TRPV2: variants seen among roughly 807,000 people sequenced by gnomAD.
TRPV2 encodes transient receptor potential cation channel subfamily V member 2, also known as OTRPC2.
TRPV2 carries 58 observed loss-of-function variants against 91.0 expected under a neutral mutation model. That is an observed-to-expected ratio of 0.64 (90% CI 0.52 to 0.79). The LOEUF (loss-of-function observed/expected upper bound fraction) is 0.79, where lower values mean the gene tolerates loss of function less well. TRPV2 is among the 30% of genes least tolerant of loss of function. TRPV2 has a pLI of 0.00. For missense variants in TRPV2, 807 were observed against 969.6 expected (o/e 0.83, Z 2.23); for synonymous variants, 417 against 414.8 (o/e 1.01, Z -0.06).
chr17:16,428,883 GC>G lies in TRPV2; in HGVS notation c.1492del (p.Leu498CysfsTer11). ...LCFLAIEWYL[P>X]LLVSALVLGW... is the part of the protein sequence containing the mutation. ...GTTTCCTGGCCATCGAGTGGTACCT[GC>G]CCCTGCTTGTGTCTGCGCTGGTGCT... On this transcript the variant is annotated frameshift_variant, in exon 10 of 15. Transcript: ENST00000338560. LOFTEE classifies it high-confidence loss of function. The G allele has an allele frequency of 6.2e-7, 1 of 1,614,108 alleles. No individual in the cohort carries two copies.
chr17:16,431,283 ATATACATATTTTTTTTTT>A (rs1321354952), intron 10 of TRPV2, among the ~76,000 whole-genome samples: 6 of 51,284 alleles, frequency 1.2e-4, no homozygotes, highest in African/African-American at 4.3e-4. Context: ...ATATATATAT[ATATACATATTTTTTTTTT>A]TTTTTTTTTT....
chr17:16,417,656 T>C lies in TRPV2; in HGVS notation c.-13T>C, dbSNP rs369164734. ...GAGGTCCTGGCTGGACCGAGCAGCC[T>C]CCTCCTCCTAGGATGACCTCACCCT... On this transcript the variant is annotated 5_prime_UTR_variant, in exon 2 of 15. Coordinates refer to ENST00000338560, the MANE Select transcript of TRPV2 (RefSeq NM_016113.5). The C allele has an allele frequency of 9.9e-6, 16 of 1,613,242 alleles. 1 individual carries two copies. The African/African-American group carries it at 1.5e-4, about 15-fold the overall frequency.
Position 16,430,487 on chromosome 17 carries a change from C to CTTTTTTTTT in TRPV2, c.1588-1289_1588-1281dup, listed in dbSNP as rs576176898. On this transcript the variant is annotated intron_variant, in intron 10 of 14. Coordinates refer to ENST00000338560, the MANE Select transcript of TRPV2 (RefSeq NM_016113.5). ...TGTAGCATGTGTCAGAAATGCCTTC[C>CTTTTTTTTT]TTTTTTTTTTTTTTTTGAGATGGAG... Among the ~76,000 whole-genome samples, 2 of 80,480 alleles carry CTTTTTTTTT rather than the reference C, an allele frequency of 2.5e-5. 1 individual carries two copies. Among genetic ancestry groups the CTTTTTTTTT allele is most frequent in the Non-Finnish European group, 7.5e-5 (2 of 26,780 alleles). The allele number at this position is 80,480 out of a possible 152,430, so 52.8% of individuals were successfully genotyped here. A position where few individuals can be genotyped will look rare whatever the true frequency, so the allele number is the denominator to read the frequency against.
intron 3 of TRPV2, among the ~76,000 whole-genome samples, chr17:16,421,029 T>G (rs1465224131): frequency 6.6e-6 from 1 of 152,208 alleles, no homozygotes. Flanking sequence ...CACTTTCCAT[T>G]TCAGTACATG....
intron 2 of TRPV2, 46 bp downstream of exon 2, chr17:16,417,914 C>A: frequency 6.4e-7 from 1 of 1,567,038 alleles, no homozygotes; most frequent in South Asian, 1.1e-5. Flanking sequence ...CCCTGCCCAG[C>A]TCCAGCAGAG....
rs1464467427 is a variant in TRPV2 at position 16,428,573 on chromosome 17, C to T, written c.1421+186C>T. The T allele has an allele frequency of 5.5e-6, 4 of 730,674 alleles. No homozygotes were observed. The East Asian group carries it at 7.7e-5, about 14-fold the overall frequency. The allele number at this position is 730,674 out of a possible 1,614,324, so 45.3% of individuals were successfully genotyped here. A position where few individuals can be genotyped will look rare whatever the true frequency, so the allele number is the denominator to read the frequency against. Reference sequence around the variant, plus strand: ...CCTGGGGCCCCTTGTGCTCCCATCACTGTAGATGGTGATAGTGACATTTAC... The same window carrying T: ...CCTGGGGCCCCTTGTGCTCCCATCATTGTAGATGGTGATAGTGACATTTAC... On this transcript the variant is annotated intron_variant, in intron 9 of 14. Coordinates refer to ENST00000338560, the MANE Select transcript of TRPV2 (RefSeq NM_016113.5).
chr17:16,423,873 C>T (rs2093370181), intron 5 of TRPV2, 106 bp downstream of exon 5: 10 of 1,153,368 alleles, frequency 8.7e-6, no homozygotes, highest in African/African-American at 1.5e-5. Flanking sequence ...AGTGGCTTCT[C>T]TGCTTTTCAA....
chr17:16,428,237 C>A, intron 8 of TRPV2, 80 bp from the exon 9 acceptor site: 1 of 1,368,204 alleles, frequency 7.3e-7, no homozygotes, highest in Non-Finnish European at 1.0e-6. Context: ...GCCTGGGTGG[C>A]AGGCTCCCAC....
At chr17:16,421,009 C>A (rs2093354009) in intron 3 of TRPV2, among the ~76,000 whole-genome samples, 2 of 152,200 alleles carry the variant, frequency 1.3e-5, no homozygotes, top group Non-Finnish European at 2.9e-5. Flanking sequence ...CCACTTAATA[C>A]ATCTTGTAGC....
chr17:16,433,478 G>A, intron 12 of TRPV2, 96 bp from the exon 13 acceptor site: 12 of 1,526,068 alleles, frequency 7.9e-6, no homozygotes, highest in Non-Finnish European at 1.1e-5. Context: ...ATACTGTGAA[G>A]TGCTGCGCGG....
chr17:16,433,879 G>A (rs895806911), intron 13 of TRPV2, among the ~76,000 whole-genome samples, 181 bp downstream of exon 13: 1 of 152,262 alleles, frequency 6.6e-6, no homozygotes, highest in Admixed American at 6.5e-5. Context: ...AGCCATGGCT[G>A]CCACATGACT....
intron 8 of TRPV2, 23 bp downstream of exon 8, chr17:16,427,570 T>C (rs778278285): frequency 6.3e-7 from 1 of 1,596,956 alleles, no homozygotes; most frequent in Non-Finnish European, 8.6e-7. Flanking sequence ...CCCCTTCTCC[T>C]ACCAAGAAGC....
chr17:16,420,207 T>C lies in TRPV2; in HGVS notation c.293T>C (p.Leu98Pro). ...PEDLAGLPEYLSKTSKYLTDS... is the reference protein window; with the variant it reads ...PEDLAGLPEYPSKTSKYLTDS... ...GATCTGGCTGGACTTCCAGAGTACC[T>C]GAGCAAGACCAGCAAGTACCTCACC... The change falls in exon 3 of 15, where the codon CTG becomes CCG. Residue 98 changes from leucine to proline, a missense_variant. Coordinates refer to ENST00000338560, the MANE Select transcript of TRPV2 (RefSeq NM_016113.5). The C allele has an allele frequency of 1.9e-6, 3 of 1,614,114 alleles. No homozygotes were observed. The highest frequency in any genetic ancestry group is 2.5e-6 in the Non-Finnish European group (3 of 1,179,964).
At chr17:16,431,292 T>TATATATATATA (rs1491493192) in intron 10 of TRPV2, among the ~76,000 whole-genome samples, 26 of 16,270 alleles carry the variant, frequency 1.6e-3, no homozygotes, top group African/African-American at 4.4e-3. Context: ...TATATACATA[T>TATATATATATA]TTTTTTTTTT....
chr17:16,425,982 T>A, intron 5 of TRPV2, 117 bp from the exon 6 acceptor site: 1 of 1,145,658 alleles, frequency 8.7e-7, no homozygotes, highest in Non-Finnish European at 1.3e-6. Context: ...CGTGCACGTG[T>A]CAGCTGCAGC....
intron 12 of TRPV2, chr17:16,433,238 A>C: frequency 4.0e-6 from 1 of 248,566 alleles, no homozygotes; most frequent in Non-Finnish European, 8.0e-6. Context: ...GGGGTGAGCA[A>C]ATGAAGTTCT....
chr17:16,428,643 C>A, intron 9 of TRPV2, 174 bp from the exon 10 acceptor site: 1 of 748,718 alleles, frequency 1.3e-6, no homozygotes, highest in African/African-American at 1.8e-5. Flanking sequence ...TGAAAACACT[C>A]TATGAGTCAG....
chr17:16,421,635 C>A (rs1015563182), intron 3 of TRPV2, among the ~76,000 whole-genome samples: 1 of 151,704 alleles, frequency 6.6e-6, no homozygotes. Context: ...AATTCTCCTG[C>A]CTCAGCCTCC....
intron 3 of TRPV2, among the ~76,000 whole-genome samples, chr17:16,420,912 G>T (rs1416572691): frequency 6.6e-6 from 1 of 152,060 alleles, no homozygotes; most frequent in Non-Finnish European, 1.5e-5. Flanking sequence ...CACCGCGCAG[G>T]GCCTATCCAG....
Sources: allele counts gnomAD v4.1 joint callset (sites outside exome capture counted in the v4.1 genomes callset), GRCh38; gene constraint gnomAD v4.1.1; transcripts MANE v1.5; gene names NCBI Gene and HGNC (gene_info 2026-07-23, HGNC 2026-07-21).